Variants in NFIB observed in about 807,000 individuals in gnomAD.
NFIB encodes nuclear factor 1 B-type.
Under a neutral mutation model 61.5 loss-of-function variants are expected in NFIB, and 11 were observed. The observed-to-expected ratio is 0.18, with a 90% CI of 0.11 to 0.30. The LOEUF (loss-of-function observed/expected upper bound fraction) is 0.30. NFIB is among the 10% of genes least tolerant of loss of function. The pLI is 1.00. For synonymous variants in NFIB, 260 were observed against 216.5 expected (o/e 1.20, Z -1.76); for missense variants, 471 against 608.9 (o/e 0.77, Z 2.38).
At chr9:14,157,868 C>G (rs12685276) in intron 3 of NFIB, among the ~76,000 whole-genome samples, 13,807 of 152,002 alleles carry the variant, frequency 0.091, 772 homozygotes, top group East Asian at 0.2. Context: ...CCTTCTTTAT[C>G]TTGGGAGGCC....
intron 2 of NFIB, among the ~76,000 whole-genome samples, chr9:14,287,824 TA>T (rs2058818896): frequency 6.6e-6 from 1 of 152,124 alleles, no homozygotes; most frequent in Non-Finnish European, 1.5e-5. Context: ...AGCTGGGTGT[TA>T]TTTTATTGTT....
chr9:14,485,319 A>C, the NFIB span, among the ~76,000 whole-genome samples: 2 of 151,830 alleles, frequency 1.3e-5, no homozygotes, highest in South Asian at 4.2e-4. Flanking sequence ...TTTAATCTAA[A>C]CCCCAAATTG....
chr9:14,202,165 A>AC (rs1189615232), intron 2 of NFIB, among the ~76,000 whole-genome samples: 3 of 112,262 alleles, frequency 2.7e-5, no homozygotes, highest in African/African-American at 6.0e-5. Context: ...CACACACACA[A>AC]AGATTTAGCA....
chr9:14,164,824 A>G (rs1274475639), intron 3 of NFIB, among the ~76,000 whole-genome samples: 1 of 152,164 alleles, frequency 6.6e-6, no homozygotes, highest in Non-Finnish European at 1.5e-5. Flanking sequence ...TTTGGCTTCC[A>G]ACCCCAGCTA....
intron 2 of NFIB, among the ~76,000 whole-genome samples, chr9:14,207,459 A>G (rs1310952153): frequency 6.6e-6 from 1 of 152,178 alleles, no homozygotes; most frequent in Non-Finnish European, 1.5e-5. Flanking sequence ...ACAAACTGGG[A>G]GGAGGATGAG....
chr9:14,467,025 C>T, the NFIB span, among the ~76,000 whole-genome samples: 1 of 152,086 alleles, frequency 6.6e-6, no homozygotes, highest in Non-Finnish European at 1.5e-5. Flanking sequence ...TGTGAGATCC[C>T]GGCATGCCAG....
chr9:14,394,178 A>G (rs2061656205), intron 1 of NFIB, among the ~76,000 whole-genome samples: 2 of 152,166 alleles, frequency 1.3e-5, no homozygotes, highest in African/African-American at 2.4e-5. Context: ...CTAGTGGGGG[A>G]AAAACAGCCA....
intron 2 of NFIB, among the ~76,000 whole-genome samples, chr9:14,251,676 G>A (rs773621062): frequency 3.9e-5 from 6 of 152,224 alleles, no homozygotes; most frequent in Non-Finnish European, 5.9e-5. Flanking sequence ...AGGGGCCACT[G>A]GAGCCTCCTG....
intron 2 of NFIB, among the ~76,000 whole-genome samples, chr9:14,218,133 A>G (rs1306786999): frequency 6.6e-6 from 1 of 152,226 alleles, no homozygotes; most frequent in African/African-American, 2.4e-5. Flanking sequence ...ATGAGCTGAG[A>G]GCTCCAAGGT....
At chr9:14,463,761 C>T in the NFIB span, among the ~76,000 whole-genome samples, 201 of 146,820 alleles carry the variant, frequency 1.4e-3, no homozygotes, top group Non-Finnish European at 2.2e-3. Flanking sequence ...CCCGGGTTCA[C>T]GCCATTCTCC....
chr9:14,352,537 G>GTGTA (rs1179103030), intron 1 of NFIB, among the ~76,000 whole-genome samples: 2 of 152,192 alleles, frequency 1.3e-5, no homozygotes, highest in Admixed American at 6.5e-5. Flanking sequence ...GGCTCCCTCA[G>GTGTA]TGTATGTAAT....
the NFIB span, among the ~76,000 whole-genome samples, chr9:14,466,404 G>T: frequency 6.6e-6 from 1 of 152,154 alleles, no homozygotes; most frequent in Non-Finnish European, 1.5e-5. Context: ...GGCACTGGGG[G>T]TGTGCAGATG....
the NFIB span, among the ~76,000 whole-genome samples, chr9:14,522,658 C>T: frequency 6.6e-6 from 1 of 152,262 alleles, no homozygotes; most frequent in South Asian, 2.1e-4. Context: ...ACTATTATCC[C>T]CTGCAGTGCA....
chr9:14,430,218 A>G, the NFIB span, among the ~76,000 whole-genome samples: 1 of 152,248 alleles, frequency 6.6e-6, no homozygotes, highest in African/African-American at 2.4e-5. Context: ...ACTCAATTAC[A>G]GTTACATGGG....
At chr9:14,182,914 A>C (rs1002202970) in intron 2 of NFIB, among the ~76,000 whole-genome samples, 5 of 152,054 alleles carry the variant, frequency 3.3e-5, no homozygotes, top group African/African-American at 1.2e-4. Flanking sequence ...TATCACATTA[A>C]GCACCAAAAG....
At chr9:14,485,339 G>A in the NFIB span, among the ~76,000 whole-genome samples, 1 of 147,158 alleles carries the variant, frequency 6.8e-6, no homozygotes, top group African/African-American at 2.7e-5. Flanking sequence ...GCAGATAAAG[G>A]TCAATTTACC....
At chr9:14,460,163 A>G in the NFIB span, among the ~76,000 whole-genome samples, 2 of 152,214 alleles carry the variant, frequency 1.3e-5, no homozygotes, top group Non-Finnish European at 2.9e-5. Flanking sequence ...TGTGGCACAT[A>G]TACATCATGG....
chr9:14,425,200 G>C, the NFIB span, among the ~76,000 whole-genome samples: 1 of 152,200 alleles, frequency 6.6e-6, no homozygotes, highest in Non-Finnish European at 1.5e-5. Context: ...TTGTCAGCGA[G>C]CCTTGCTTGA....
At chr9:14,261,762 T>C (rs886730879) in intron 2 of NFIB, among the ~76,000 whole-genome samples, 1 of 152,184 alleles carries the variant, frequency 6.6e-6, no homozygotes, top group Non-Finnish European at 1.5e-5. Context: ...CAGCAGACAA[T>C]GGTTTGTGAC....
Sources: gnomAD v4.1 joint callset for allele counts (sites outside exome capture counted in the v4.1 genomes callset) on GRCh38, gnomAD v4.1.1 for gene constraint, MANE v1.5 for transcripts, NCBI Gene and HGNC (gene_info 2026-07-23, HGNC 2026-07-21) for gene names.